The following P3H4 variants were observed in gnomAD, a reference collection of about 807,000 sequenced individuals.
P3H4 encodes prolyl 3-hydroxylase family member 4 (inactive), also known as endoplasmic reticulum protein SC65.
Under a neutral mutation model 52.9 loss-of-function variants are expected in P3H4, and 47 were observed. That is an observed-to-expected ratio of 0.89 (90% CI 0.70 to 1.13). P3H4 has a LOEUF of 1.13. P3H4 is among the 50% of genes most tolerant of loss of function. The pLI is 0.00. For synonymous variants in P3H4, 256 were observed against 267.9 expected, an observed-to-expected ratio of 0.96 and a Z score of 0.44; for missense variants, 585 against 611.0, an observed-to-expected ratio of 0.96 and a Z score of 0.45.
Position 41,811,830 on chromosome 17 carries a change from G to T in P3H4, c.86C>A (p.Pro29Gln), listed in dbSNP as rs1175435542. Residue 29 changes from proline (P) to glutamine (Q), a missense_variant, in exon 1 of 8, where the codon CCG becomes CAG. Transcript: ENST00000393928. The surrounding 1 kb of genome is among the most constrained non-coding windows in gnomAD (Gnocchi z 4.8). The part of the protein sequence containing the change: ...QYEKYSFRGF[P>Q]PEDLMPLAAA... Reference sequence around the variant, plus strand: ...GGCCAGCGGCATCAGGTCCTCGGGCGGGAAGCCCCGGAAGCTGTACTTCTC... The same window carrying T: ...GGCCAGCGGCATCAGGTCCTCGGGCTGGAAGCCCCGGAAGCTGTACTTCTC... 6.5e-7 allele frequency: 1 copy of T among 1,545,578 alleles called. No individual in the cohort carries two copies. The highest frequency in any genetic ancestry group is 8.6e-7 in the Non-Finnish European group (1 of 1,156,808).
intron 6 of P3H4, among the ~76,000 whole-genome samples, chr17:41,804,724 C>T (rs559106540): frequency 6.6e-6 from 1 of 152,148 alleles, no homozygotes; most frequent in Non-Finnish European, 1.5e-5. Flanking sequence ...AAACCTAGCA[C>T]TTTGGGAGGC....
intron 4 of P3H4, 53 bp downstream of exon 4, chr17:41,809,653 C>G (rs1555614661): frequency 6.3e-7 from 1 of 1,589,872 alleles, no homozygotes; most frequent in African/African-American, 1.3e-5. Context: ...CCATACAGTC[C>G]TCTCCCTTAT....
intron 4 of P3H4, among the ~76,000 whole-genome samples, chr17:41,809,247 C>T (rs1332541089): frequency 6.6e-6 from 1 of 152,082 alleles, no homozygotes; most frequent in African/African-American, 2.4e-5. Flanking sequence ...ATGGTGAAAC[C>T]CCGTCTCTAC....
rs1306347734 is a variant in P3H4 at position 41,811,059 on chromosome 17, T to G, written c.616-25A>C. On this transcript the variant is annotated intron_variant, in intron 2 of 7. Coordinates refer to ENST00000393928, the MANE Select transcript of P3H4 (RefSeq NM_006455.3). This position sits in a 1 kb window ranked among gnomAD's most constrained non-coding sequence, Gnocchi z 4.8. ...CCTGGAAGGGGCGTGGCAGGGGGAG[T>G]CAGGGCGCCCCCAACATCTCCCCTC... The G allele has an allele frequency of 1.2e-6, 2 of 1,603,968 alleles. No homozygotes were observed. The highest frequency in any genetic ancestry group is 1.7e-6 in the Non-Finnish European group (2 of 1,173,180).
Position 41,810,716 on chromosome 17 carries a change from T to C in P3H4, c.787+147A>G. 7 of 1,016,146 alleles carry C rather than the reference T, an allele frequency of 6.9e-6. No individual in the cohort carries two copies. The East Asian group carries it at 1.8e-4, about 27-fold the overall frequency. 62.9% of individuals were successfully genotyped at this position (1,016,146 alleles called of 1,614,324 possible). A position where few individuals can be genotyped will look rare whatever the true frequency, so the allele number is the denominator to read the frequency against. The stretch of plus-strand genomic sequence containing the variant: ...CTTGGACACTCCCAGCTGGGGCCCC[T>C]GCACCCAGCGTCTTTCTCAACAGAC... On this transcript the variant is annotated intron_variant, in intron 3 of 7. Transcript: ENST00000393928.
intron 6 of P3H4, among the ~76,000 whole-genome samples, chr17:41,805,835 C>T (rs1397611845): frequency 1.3e-5 from 2 of 151,862 alleles, no homozygotes; most frequent in Non-Finnish European, 2.9e-5. Context: ...TGGGTGGGGG[C>T]GTGGGGGCAT....
At chr17:41,805,522 A>G (rs2047665171) in intron 6 of P3H4, among the ~76,000 whole-genome samples, 1 of 151,842 alleles carries the variant, frequency 6.6e-6, no homozygotes, top group African/African-American at 2.4e-5. Context: ...ACAGGGTTTC[A>G]CTATGTTGGC....
intron 4 of P3H4, 125 bp from the exon 5 acceptor site, chr17:41,808,129 C>A: frequency 8.1e-7 from 1 of 1,228,720 alleles, no homozygotes; most frequent in African/African-American, 1.5e-5. Context: ...GGCTCCTTAT[C>A]CCACCCAAGC....
intron 3 of P3H4, among the ~76,000 whole-genome samples, chr17:41,810,260 G>A (rs894476276): frequency 2.1e-5 from 3 of 139,964 alleles, no homozygotes; most frequent in Admixed American, 1.6e-4. Flanking sequence ...TGCAACCTCC[G>A]CCTCCCAGGT....
chr17:41,802,788 G>C lies in P3H4; in HGVS notation c.*169C>G, dbSNP rs1490583888. 7.7e-6 allele frequency: 5 copies of C among 645,796 alleles called. No homozygotes were observed. The highest frequency in any genetic ancestry group is 7.2e-5 in the South Asian group (4 of 55,522). The allele number at this position is 645,796 out of a possible 1,614,324, so 40.0% of individuals were successfully genotyped here. ...GCTGGTCTTGAACTCCTGGCCTCAA[G>C]TGATCCACCCACCTTGGCCTCCCAA... On this transcript the variant is annotated 3_prime_UTR_variant, in exon 8 of 8. Transcript: ENST00000393928.
Position 41,807,949 on chromosome 17 carries a change from G to C in P3H4, c.972C>G (p.Pro324=), listed in dbSNP as rs2047691420. ...RSAASYMLFD[P]KDSVMQQNLV... ...GGTTCTGCTGCATGACGCTGTCCTT[G>C]GGGTCGAAGAGCATGTAGCTGGCGG... Residue 324 remains proline, a synonymous_variant, in exon 5 of 8, where the codon CCC becomes CCG. Transcript: ENST00000393928. The C allele has an allele frequency of 6.2e-7, 1 of 1,614,052 alleles. No homozygotes were observed. Among genetic ancestry groups the C allele is most frequent in the Admixed American group, 1.7e-5 (1 of 60,002 alleles).
At chr17:41,810,229 A>G (rs1555614775) in intron 3 of P3H4, among the ~76,000 whole-genome samples, 3 of 139,650 alleles carry the variant, frequency 2.1e-5, no homozygotes, top group South Asian at 2.3e-4. Context: ...GCTGGAGTGC[A>G]GTGGCGCGAT....
chr17:41,805,349 CAG>C (rs2047663618), intron 6 of P3H4, among the ~76,000 whole-genome samples: 1 of 151,282 alleles, frequency 6.6e-6, no homozygotes, highest in Non-Finnish European at 1.5e-5. Flanking sequence ...TTTTTCGAGA[CAG>C]AGTCTCAATC....
At chr17:41,809,610 T>C in intron 4 of P3H4, 96 bp downstream of exon 4, 9 of 1,440,080 alleles carry the variant, frequency 6.2e-6, no homozygotes, top group Non-Finnish European at 8.5e-6. Flanking sequence ...TCCTCAATAC[T>C]GAAGGAAAGC....
Position 41,809,706 on chromosome 17 carries a change from A to C in P3H4, c.916T>G (p.Leu306Val), listed in dbSNP as rs145781561. 6.2e-7 allele frequency: 1 copy of C among 1,612,850 alleles called. No homozygotes were observed. Among genetic ancestry groups the C allele is most frequent in the Non-Finnish European group, 8.5e-7 (1 of 1,179,672 alleles). ...YHYLQFAYYKLNDVRQAARSA... is the reference protein window; with the variant it reads ...YHYLQFAYYKVNDVRQAARSA... ...AAGCCAGCCCACCCAGGGGGCTCAC[A>C]CTTATAGTAGGCAAACTGCAGGTAG... Residue 306 changes from leucine to valine, a missense_variant and splice_region_variant, in exon 4 of 8, where the codon TTG becomes GTG. Leu to Val is a conservative substitution (Grantham distance 32). Transcript: ENST00000393928.
In P3H4 at chr17:41,811,081, C is replaced by T; in HGVS notation, c.616-47G>A. 3.7e-6 allele frequency: 6 copies of T among 1,609,734 alleles called. No homozygotes were observed. Among genetic ancestry groups the T allele is most frequent in the South Asian group, 3.3e-5 (3 of 90,908 alleles). On this transcript the variant is annotated intron_variant, in intron 2 of 7. Coordinates refer to ENST00000393928, the MANE Select transcript of P3H4 (RefSeq NM_006455.3). The surrounding 1 kb of genome is among the most constrained non-coding windows in gnomAD (Gnocchi z 4.8). ...GAGTCAGGGCGCCCCCAACATCTCC[C>T]CTCCTCTACTAGCCCTCCTCTACAA...
At chr17:41,809,384 C>G (rs2047705736) in intron 4 of P3H4, among the ~76,000 whole-genome samples, 1 of 152,196 alleles carries the variant, frequency 6.6e-6, no homozygotes, top group Admixed American at 6.5e-5. Flanking sequence ...CCCCTGCACT[C>G]TAGCCTGGGC....
At chr17:41,807,094 T>A in intron 5 of P3H4, 1 of 559,746 alleles carries the variant, frequency 1.8e-6, no homozygotes, top group Non-Finnish European at 3.2e-6. Flanking sequence ...CTCAATCGAT[T>A]AGCAATGTCT....
intron 4 of P3H4, 130 bp from the exon 5 acceptor site, chr17:41,808,134 C>T: frequency 8.4e-7 from 1 of 1,187,972 alleles, no homozygotes; most frequent in Non-Finnish European, 1.2e-6. Flanking sequence ...CTTATCCCAC[C>T]CAAGCATAAT....
Sources: gnomAD v4.1 joint callset for allele counts (sites outside exome capture counted in the v4.1 genomes callset) on GRCh38, gnomAD v4.1.1 for gene constraint, Gnocchi (gnomAD v3.1) non-coding constraint, MANE v1.5 for transcripts, NCBI Gene and HGNC (gene_info 2026-07-23, HGNC 2026-07-21) for gene names.